PAK1: variants seen among roughly 807,000 people sequenced by gnomAD.
The protein encoded by PAK1 is p21 (RAC1) activated kinase 1.
Under a neutral mutation model 67.4 loss-of-function variants are expected in PAK1, and 29 were observed. That is an observed-to-expected ratio of 0.43 (90% CI 0.32 to 0.59). The LOEUF is 0.59. Among genes scored for constraint, PAK1 ranks in the 20% least tolerant of loss-of-function variants. The probability of loss-of-function intolerance (pLI) is 0.07; values close to 1 mark genes in which losing one functional copy is unlikely to be tolerated. For synonymous variants in PAK1, 223 were observed against 237.4 expected, an observed-to-expected ratio of 0.94 and a Z score of 0.56; for missense variants, 337 against 670.7, an observed-to-expected ratio of 0.50 and a Z score of 5.50.
the PAK1 span, among the ~76,000 whole-genome samples, chr11:77,492,201 G>A: frequency 6.6e-6 from 1 of 152,120 alleles, no homozygotes; most frequent in Admixed American, 6.5e-5. Context: ...CGGGCACGGT[G>A]GCAGGTGCCT....
intron 14 of PAK1, chr11:77,325,305 G>A: frequency 1.2e-6 from 2 of 1,613,774 alleles, no homozygotes; most frequent in South Asian, 2.2e-5. Context: ...CAAACAGGCT[G>A]AAATCCTGGA....
At chr11:77,378,245 T>C (rs753881229) in intron 4 of PAK1, among the ~76,000 whole-genome samples, 4 of 152,160 alleles carry the variant, frequency 2.6e-5, no homozygotes, top group Non-Finnish European at 5.9e-5. Context: ...TGGTCCGCTG[T>C]GGAAGGAGAG....
At chr11:77,357,318 C>A (rs1946166707) in intron 6 of PAK1, among the ~76,000 whole-genome samples, 1 of 152,076 alleles carries the variant, frequency 6.6e-6, no homozygotes, top group Non-Finnish European at 1.5e-5. Flanking sequence ...AGAGAACATT[C>A]CAGTAGTGGG....
the PAK1 span, among the ~76,000 whole-genome samples, chr11:77,528,133 C>T: frequency 6.6e-6 from 1 of 152,080 alleles, no homozygotes; most frequent in Non-Finnish European, 1.5e-5. Flanking sequence ...TCCCCACAAA[C>T]ACATTTTTGG....
At chr11:77,464,594 G>C (rs1420339909) in intron 1 of PAK1, among the ~76,000 whole-genome samples, 1 of 152,152 alleles carries the variant, frequency 6.6e-6, no homozygotes, top group Non-Finnish European at 1.5e-5. Context: ...ATAAATAGAA[G>C]CACTATAGAG....
chr11:77,408,384 A>C (rs1052434440), intron 1 of PAK1, among the ~76,000 whole-genome samples: 1 of 152,002 alleles, frequency 6.6e-6, no homozygotes, highest in Non-Finnish European at 1.5e-5. Flanking sequence ...GTACCATTGC[A>C]CTCTAGCCTG....
the PAK1 span, among the ~76,000 whole-genome samples, chr11:77,527,363 A>G: frequency 2.0e-5 from 3 of 152,152 alleles, no homozygotes; most frequent in Non-Finnish European, 4.4e-5. Context: ...TCAGCCTCTC[A>G]AAGTGTTGGG....
the PAK1 span, among the ~76,000 whole-genome samples, chr11:77,500,300 C>G: frequency 2.6e-5 from 4 of 151,998 alleles, no homozygotes; most frequent in Non-Finnish European, 5.9e-5. Flanking sequence ...AATCCCGTCT[C>G]TACTAAAAAT....
the PAK1 span, among the ~76,000 whole-genome samples, chr11:77,524,810 C>T: frequency 6.6e-6 from 1 of 152,104 alleles, no homozygotes; most frequent in African/African-American, 2.4e-5. Context: ...TTATCTTTAG[C>T]ACATGGGACA....
chr11:77,472,755 G>A (rs1023045763), intron 1 of PAK1, among the ~76,000 whole-genome samples: 3 of 152,174 alleles, frequency 2.0e-5, no homozygotes, highest in Admixed American at 6.5e-5. Context: ...ATTTTTATTA[G>A]TAACCACGGA....
At chr11:77,441,474 A>G (rs1956352605) in intron 1 of PAK1, among the ~76,000 whole-genome samples, 1 of 152,250 alleles carries the variant, frequency 6.6e-6, no homozygotes, top group Admixed American at 6.5e-5. Flanking sequence ...CAGTAATGCC[A>G]ATATTTCAAC....
chr11:77,484,077 G>C, the PAK1 span, among the ~76,000 whole-genome samples: 1 of 152,108 alleles, frequency 6.6e-6, no homozygotes. Flanking sequence ...TTATTAGAAA[G>C]GCAATGTAGA....
the PAK1 span, among the ~76,000 whole-genome samples, chr11:77,514,666 G>A: frequency 1.9e-3 from 289 of 152,302 alleles, 1 homozygote; most frequent in Non-Finnish European, 2.5e-3. Flanking sequence ...GGGACAAGTG[G>A]AGCCAAAAGC....
At chr11:77,486,476 A>T in the PAK1 span, among the ~76,000 whole-genome samples, 2 of 152,204 alleles carry the variant, frequency 1.3e-5, no homozygotes, top group East Asian at 3.8e-4. Flanking sequence ...ACAACCAAAA[A>T]TCAGGTGAGT....
At chr11:77,369,444 CTTTTTTT>C (rs147630042) in intron 5 of PAK1, among the ~76,000 whole-genome samples, 1 of 86,736 alleles carries the variant, frequency 1.2e-5, no homozygotes, top group Non-Finnish European at 2.1e-5. Context: ...TTATACATTT[CTTTTTTT>C]TTTTTTTTTT....
chr11:77,471,442 T>C (rs926591115), intron 1 of PAK1, among the ~76,000 whole-genome samples: 3 of 152,108 alleles, frequency 2.0e-5, no homozygotes, highest in African/African-American at 7.2e-5. Context: ...ATAAAAGTGG[T>C]ATGTACATGA....
At chr11:77,405,475 T>G (rs948135827) in intron 1 of PAK1, among the ~76,000 whole-genome samples, 1 of 151,454 alleles carries the variant, frequency 6.6e-6, no homozygotes, top group African/African-American at 2.4e-5. Flanking sequence ...TGATTGGCAA[T>G]AGGGGGAGAG....
intron 1 of PAK1, among the ~76,000 whole-genome samples, chr11:77,444,428 A>C (rs922485480): frequency 5.3e-5 from 8 of 152,088 alleles, no homozygotes; most frequent in Non-Finnish European, 1.0e-4. Context: ...TCATGCTCAA[A>C]AACTATTGGC....
Position 77,358,150 on chromosome 11 carries a change from CT to C in PAK1, c.597+747del, listed in dbSNP as rs201227206. Among the ~76,000 whole-genome samples, 13 of 149,526 alleles carry C rather than the reference CT, an allele frequency of 8.7e-5. No homozygotes were observed. The East Asian group carries it at 9.7e-4, about 11-fold the overall frequency. Reference sequence around the variant, plus strand: ...TGAATGCTGTATTCCAGAGGTAGCCCTTTTTTTTTTCTTTCATGATCACAGA... The same window carrying C: ...TGAATGCTGTATTCCAGAGGTAGCCCTTTTTTTTTCTTTCATGATCACAGA... On this transcript the variant is annotated intron_variant, in intron 6 of 14. Coordinates refer to ENST00000356341, the MANE Select transcript of PAK1 (RefSeq NM_002576.5).
Sources: allele counts gnomAD v4.1 joint callset (sites outside exome capture counted in the v4.1 genomes callset), GRCh38; gene constraint gnomAD v4.1.1; transcripts MANE v1.5; gene names NCBI Gene and HGNC (gene_info 2026-07-23, HGNC 2026-07-21).